Variants in CRADD observed in about 807,000 individuals in gnomAD.
The protein encoded by CRADD is CARD and death domain containing adaptor protein, also known as death domain-containing protein CRADD.
Under a neutral mutation model 15.5 loss-of-function variants are expected in CRADD, and 9 were observed. That is an observed-to-expected ratio of 0.58 (90% CI 0.35 to 1.01). The LOEUF (loss-of-function observed/expected upper bound fraction) is 1.01, where lower values mean the gene tolerates loss of function less well. CRADD is among the 50% of genes least tolerant of loss of function. CRADD has a pLI of 0.02. For missense variants in CRADD, 227 were observed against 250.3 expected (o/e 0.91, Z 0.63); for synonymous variants, 118 against 107.6 (o/e 1.10, Z -0.60).
chr12:93,853,041 G>A (rs145614652), downstream of CRADD, among the ~76,000 whole-genome samples: 1 of 152,022 alleles, frequency 6.6e-6, no homozygotes, highest in African/African-American at 2.4e-5. Flanking sequence ...TTTTATCCCT[G>A]TCCTCCAATT....
Position 93,787,403 on chromosome 12 carries a change from C to T in CRADD, c.299-62567C>T, listed in dbSNP as rs114229278. ...ATTCTGCACATTTTTTGCCCCAAAC[C>T]AGTATCACTGGAATATATTTGTAGC... is the stretch of plus-strand genomic sequence containing the variant. On this transcript the variant is annotated intron_variant, in intron 2 of 2. Transcript: ENST00000332896. Among the ~76,000 whole-genome samples the T allele has an allele frequency of 5.9e-3, 891 of 149,914 alleles. 10 individuals carry two copies. The highest frequency in any genetic ancestry group is 0.021 in the African/African-American group (852 of 40,482).
intron 2 of CRADD, among the ~76,000 whole-genome samples, chr12:93,702,640 C>T (rs1242913159): frequency 6.6e-6 from 1 of 151,374 alleles, no homozygotes; most frequent in African/African-American, 2.4e-5. Flanking sequence ...GGAAACAATT[C>T]AACCTGTTCT....
chr12:93,869,836 T>C (rs890490919), intron 2 of CRADD, among the ~76,000 whole-genome samples: 2 of 152,176 alleles, frequency 1.3e-5, no homozygotes, highest in Non-Finnish European at 2.9e-5. Context: ...ATCTGTGTTA[T>C]TCAGGAGAAA....
At chr12:93,829,273 C>T (rs1049983049) in intron 2 of CRADD, among the ~76,000 whole-genome samples, 1 of 152,126 alleles carries the variant, frequency 6.6e-6, no homozygotes, top group African/African-American at 2.4e-5. Context: ...CTCCTTCCCC[C>T]AGCTGGCTGG....
chr12:93,724,331 A>T (rs1956315932), intron 2 of CRADD, among the ~76,000 whole-genome samples: 1 of 151,030 alleles, frequency 6.6e-6, no homozygotes, highest in African/African-American at 2.4e-5. Flanking sequence ...GAGAGCCCTG[A>T]TCGTGCCACT....
chr12:93,717,539 T>G (rs949688887), intron 2 of CRADD, among the ~76,000 whole-genome samples: 3 of 152,174 alleles, frequency 2.0e-5, no homozygotes, highest in Admixed American at 6.5e-5. Context: ...TTTTTAATTT[T>G]TTTAGAGTTT....
intron 2 of CRADD, among the ~76,000 whole-genome samples, chr12:93,855,963 A>G (rs1175108807): frequency 3.3e-5 from 5 of 152,098 alleles, no homozygotes; most frequent in South Asian, 4.1e-4. Context: ...GGGTGCCACC[A>G]CGCCCAGCTA....
intron 2 of CRADD, among the ~76,000 whole-genome samples, chr12:93,786,339 C>T (rs1011796731): frequency 6.6e-6 from 1 of 152,118 alleles, no homozygotes; most frequent in Non-Finnish European, 1.5e-5. Flanking sequence ...CTGTATTTAA[C>T]TTCTCAAAGC....
At chr12:93,777,406 A>C (rs1256508772) in intron 2 of CRADD, among the ~76,000 whole-genome samples, 2 of 152,232 alleles carry the variant, frequency 1.3e-5, no homozygotes, top group Admixed American at 6.5e-5. Context: ...CCTGGAAGGC[A>C]GTAATAGTTT....
At chr12:93,784,822 A>G (rs1957258689) in intron 2 of CRADD, among the ~76,000 whole-genome samples, 1 of 152,230 alleles carries the variant, frequency 6.6e-6, no homozygotes, top group Non-Finnish European at 1.5e-5. Flanking sequence ...TCAGAAAGAA[A>G]GTAGGTCAGC....
intron 2 of CRADD, among the ~76,000 whole-genome samples, chr12:93,882,218 G>A (rs866887586): frequency 2.6e-5 from 4 of 151,828 alleles, no homozygotes; most frequent in African/African-American, 9.7e-5. Flanking sequence ...TCAGGAGTTC[G>A]AGACCAGCCT....
intron 2 of CRADD, among the ~76,000 whole-genome samples, chr12:93,799,719 G>T (rs1206159647): frequency 6.6e-6 from 1 of 152,160 alleles, no homozygotes; most frequent in African/African-American, 2.4e-5. Flanking sequence ...TACCCAGATA[G>T]TTTAAAGCTG....
chr12:93,767,501 T>G (rs1957038788), intron 2 of CRADD, among the ~76,000 whole-genome samples: 1 of 152,250 alleles, frequency 6.6e-6, no homozygotes, highest in African/African-American at 2.4e-5. Flanking sequence ...TGAGGTTTAT[T>G]GTGTGTCAGG....
intron 2 of CRADD, among the ~76,000 whole-genome samples, chr12:93,781,985 A>G (rs1957215373): frequency 6.6e-6 from 1 of 152,172 alleles, no homozygotes; most frequent in African/African-American, 2.4e-5. Flanking sequence ...CAGCCATCCC[A>G]TTACTGGGTA....
chr12:93,759,518 G>T (rs906333341), intron 2 of CRADD, among the ~76,000 whole-genome samples: 1 of 152,030 alleles, frequency 6.6e-6, no homozygotes, highest in Admixed American at 6.6e-5. Flanking sequence ...GGTCCCCAGA[G>T]AATACTGTTT....
At chr12:93,706,856 ATTTCTGTT>A (rs1955962305) in intron 2 of CRADD, among the ~76,000 whole-genome samples, 1 of 152,090 alleles carries the variant, frequency 6.6e-6, no homozygotes, top group Non-Finnish European at 1.5e-5. Context: ...TGTGCATTTC[ATTTCTGTT>A]TTAAGTCCTA....
At chr12:93,887,245 A>G (rs1958543997) in intron 2 of CRADD, among the ~76,000 whole-genome samples, 1 of 152,240 alleles carries the variant, frequency 6.6e-6, no homozygotes, top group Non-Finnish European at 1.5e-5. Flanking sequence ...AGGGAGATCA[A>G]AACGATGATT....
chr12:93,812,412 A>T (rs1593010800), intron 2 of CRADD, among the ~76,000 whole-genome samples: 1 of 152,220 alleles, frequency 6.6e-6, no homozygotes, highest in East Asian at 1.9e-4. Context: ...CTTCAAAAAA[A>T]ATTCATAATC....
At position 93,850,676 on chromosome 12, in the gene CRADD, T is replaced by C. The variant is rs1390343915; in HGVS notation, c.*405T>C. ...ATTTACCTGAATGTTGTCTGAGGACTGAACTGTGGACTTTACTATTCATAA... is the reference window on the plus strand; with the variant it reads ...ATTTACCTGAATGTTGTCTGAGGACCGAACTGTGGACTTTACTATTCATAA... On this transcript the variant is annotated 3_prime_UTR_variant, in exon 3 of 3. Transcript: ENST00000332896. The surrounding 1 kb of genome is among the most constrained non-coding windows in gnomAD (Gnocchi z 4.0). 4.1e-6 allele frequency: 4 copies of C among 982,634 alleles called. No individual in the cohort carries two copies. Among genetic ancestry groups the C allele is most frequent in the Non-Finnish European group, 4.8e-6 (4 of 827,400 alleles). 60.9% of individuals were successfully genotyped at this position (982,634 alleles called of 1,614,324 possible). A position where few individuals can be genotyped will look rare whatever the true frequency, so the allele number is the denominator to read the frequency against.
Sources: allele counts gnomAD v4.1 joint callset (sites outside exome capture counted in the v4.1 genomes callset), GRCh38; gene constraint gnomAD v4.1.1; non-coding constraint Gnocchi (gnomAD v3.1); transcripts MANE v1.5; gene names NCBI Gene and HGNC (gene_info 2026-07-23, HGNC 2026-07-21).